The following SMG1 variants were observed in gnomAD, a reference collection of about 807,000 sequenced individuals.
SMG1 encodes the protein SMG1 nonsense mediated mRNA decay associated PI3K related kinase.
SMG1 carries 22 observed loss-of-function variants against 419.9 expected under a neutral mutation model. That is an observed-to-expected ratio of 0.05 (90% CI 0.04 to 0.07). SMG1 has a LOEUF of 0.07. Among genes scored for constraint, SMG1 ranks in the 10% least tolerant of loss-of-function variants. The pLI is 1.00. For missense variants in SMG1, 3,185 were observed against 4,342.0 expected (o/e 0.73, Z 7.49); for synonymous variants, 1,538 against 1,553.5 (o/e 0.99, Z 0.23).
At chr16:18,878,067 T>C (rs1446981032) in intron 11 of SMG1, 2 of 152,190 alleles carry the variant, frequency 1.3e-5, no homozygotes, top group African/African-American at 4.8e-5. Context: ...TGCTTCAGAA[T>C]GTCCATAATA....
In SMG1 at chr16:18,806,848, C is replaced by G. The variant is rs540849219; in HGVS notation, c.*2721G>C. ...TGTATGACTTCATAACTACAGCACT[C>G]TAACTTTTCTCAGTCTAACTGCTGA... is the stretch of plus-strand genomic sequence containing the variant. On this transcript the variant is annotated 3_prime_UTR_variant, in exon 63 of 63. Transcript: ENST00000446231. 1 of 152,318 alleles carries G rather than the reference C, an allele frequency of 6.6e-6. No individual in the cohort carries two copies. The highest frequency in any genetic ancestry group is 2.1e-4 in the South Asian group (1 of 4,824). The allele number at this position is 152,318 out of a possible 1,614,324, so 9.4% of individuals were successfully genotyped here. A position where few individuals can be genotyped will look rare whatever the true frequency, so the allele number is the denominator to read the frequency against.
At chr16:18,903,986 G>GA (rs2037455147) in intron 1 of SMG1, among the ~76,000 whole-genome samples, 1 of 134,160 alleles carries the variant, frequency 7.5e-6, no homozygotes, top group Non-Finnish European at 1.5e-5. Flanking sequence ...CGCGCAGGCT[G>GA]AAGTGCGGTG....
At position 18,925,935 on chromosome 16, in the gene SMG1, G is replaced by A. The variant is rs555830550; in HGVS notation, c.92+15C>T. On this transcript the variant is annotated intron_variant, in intron 1 of 62. Transcript: ENST00000446231. ...GCCCGGGAGGTCGGGGCGGGGTCCC[G>A]GGCCGGTCACCCACCTGGGTTGCCA... 4.8e-4 allele frequency: 732 copies of A among 1,533,436 alleles called. 3 individuals are homozygous for A. In the African/African-American group the frequency reaches 9.1e-3, roughly 19 times the overall value. 95.0% of individuals were successfully genotyped at this position (1,533,436 alleles called of 1,614,324 possible).
intron 30 of SMG1, among the ~76,000 whole-genome samples, chr16:18,854,219 C>T (rs1342868042): frequency 6.6e-6 from 1 of 150,948 alleles, no homozygotes; most frequent in Non-Finnish European, 1.5e-5. Flanking sequence ...CTCAAGCAGC[C>T]GGAACTACAG....
At chr16:18,909,834 TTAAGTA>T (rs1439202124) in intron 1 of SMG1, among the ~76,000 whole-genome samples, 3 of 152,164 alleles carry the variant, frequency 2.0e-5, no homozygotes, top group East Asian at 3.8e-4. Flanking sequence ...GTATTTAGCC[TTAAGTA>T]TAAGACACCT....
chr16:18,830,988 C>T (rs1386341290), intron 51 of SMG1, among the ~76,000 whole-genome samples: 1 of 152,096 alleles, frequency 6.6e-6, no homozygotes, highest in Non-Finnish European at 1.5e-5. Context: ...AGAAATCACA[C>T]CATTCTAAAG....
intron 23 of SMG1, among the ~76,000 whole-genome samples, chr16:18,865,225 G>A (rs1249931352): frequency 6.6e-6 from 1 of 152,072 alleles, no homozygotes; most frequent in Non-Finnish European, 1.5e-5. Flanking sequence ...ATCACAAAAG[G>A]TCACTATATG....
rs540301532 is a variant in SMG1 at position 18,917,419 on chromosome 16, G to T, written c.92+8531C>A. Reference sequence around the variant, plus strand: ...CCACCTTGCCCTCCCAAAGTGCTGGGATTACAGGTATGAGCCACCATACAT... The same window carrying T: ...CCACCTTGCCCTCCCAAAGTGCTGGTATTACAGGTATGAGCCACCATACAT... On this transcript the variant is annotated intron_variant, in intron 1 of 62. Coordinates refer to ENST00000446231, the MANE Select transcript of SMG1 (RefSeq NM_015092.5). 3.3e-5 allele frequency among the ~76,000 whole-genome samples: 5 copies of T among 151,942 alleles called. No individual in the cohort carries two copies. In the South Asian group the frequency reaches 1.0e-3, roughly 32 times the overall value.
Position 18,812,138 on chromosome 16 carries a change from A to G in SMG1, c.10622-11T>C, listed in dbSNP as rs1347331222. The G allele has an allele frequency of 1.2e-6, 2 of 1,606,372 alleles. No individual in the cohort carries two copies. The highest frequency in any genetic ancestry group is 2.2e-5 in the East Asian group (1 of 44,860). ...TGTTACTCCGGACTGCTACAGAGAAAGAGTTGGTGGCTCAATTTACATGTA... is the reference window on the plus strand; with the variant it reads ...TGTTACTCCGGACTGCTACAGAGAAGGAGTTGGTGGCTCAATTTACATGTA... On this transcript the variant is annotated splice_polypyrimidine_tract_variant and intron_variant, in intron 60 of 62. Transcript: ENST00000446231.
chr16:18,902,431 A>C (rs1276224450), intron 1 of SMG1, among the ~76,000 whole-genome samples: 1 of 152,156 alleles, frequency 6.6e-6, no homozygotes, highest in Non-Finnish European at 1.5e-5. Flanking sequence ...GGCCAGGCAC[A>C]GTGGCTCAAG....
intron 1 of SMG1, among the ~76,000 whole-genome samples, chr16:18,913,158 C>G (rs2037852480): frequency 1.3e-5 from 2 of 152,014 alleles, no homozygotes; most frequent in African/African-American, 2.4e-5. Flanking sequence ...AAGAAGTCAA[C>G]GTAGAATCTG....
intron 56 of SMG1, 28 bp downstream of exon 56, chr16:18,819,474 C>T: frequency 6.2e-7 from 1 of 1,602,880 alleles, no homozygotes; most frequent in Non-Finnish European, 8.5e-7. Context: ...AAAGTGAATA[C>T]AAAGATGGTG....
chr16:18,828,756 T>G (rs1342660651), intron 54 of SMG1, among the ~76,000 whole-genome samples: 1 of 152,224 alleles, frequency 6.6e-6, no homozygotes, highest in Non-Finnish European at 1.5e-5. Context: ...CCCAGCACTT[T>G]GGGAGGCCAA....
Position 18,815,232 on chromosome 16 carries a change from T to C in SMG1, c.10564A>G (p.Thr3522Ala), listed in dbSNP as rs1385201893. ...SFASPLVTDA[T>A]NECSSPTSSA... ...GACGTTGGACTCGAACATTCATTTG[T>C]TGCATCGGTGACTAAGGGTGATGCA... The change falls in exon 60 of 63, where the codon ACA (threonine) becomes GCA (alanine). Residue 3522 changes from threonine (T) to alanine (A), a missense_variant. By Grantham distance (58) the Thr-to-Ala change is moderately conservative. This residue lies in a region of SMG1 where 737 missense variants were observed against 846.6 expected (regional missense o/e 0.87). Coordinates refer to ENST00000446231, the MANE Select transcript of SMG1 (RefSeq NM_015092.5). 2.5e-6 allele frequency: 4 copies of C among 1,595,746 alleles called. No individual in the cohort carries two copies. The highest frequency in any genetic ancestry group is 1.3e-5 in the African/African-American group (1 of 74,528).
At chr16:18,871,912 AAAG>A (rs1343285771) in intron 15 of SMG1, among the ~76,000 whole-genome samples, 1 of 152,002 alleles carries the variant, frequency 6.6e-6, no homozygotes, top group Admixed American at 6.6e-5. Flanking sequence ...AAAAAAAAGC[AAAG>A]AATATTAAAA....
intron 11 of SMG1, chr16:18,878,606 C>CAAAAA (rs35169039): frequency 3.0e-5 from 3 of 98,566 alleles, no homozygotes; most frequent in African/African-American, 3.7e-5. Context: ...GATCCTGTGA[C>CAAAAA]AAAAAAAAAA....
intron 1 of SMG1, among the ~76,000 whole-genome samples, chr16:18,908,203 T>C (rs2037646772): frequency 6.6e-6 from 1 of 151,446 alleles, no homozygotes; most frequent in South Asian, 2.1e-4. Flanking sequence ...CAGTCTCTAC[T>C]AAAAATACAA....
At chr16:18,880,689 T>C (rs1332678912) in intron 10 of SMG1, among the ~76,000 whole-genome samples, 2 of 108,872 alleles carry the variant, frequency 1.8e-5, no homozygotes, top group African/African-American at 7.4e-5. Context: ...CACTCCAGCG[T>C]GGGCAACAGA....
intron 18 of SMG1, 24 bp from the exon 19 acceptor site, chr16:18,870,018 T>C (rs1335112582): frequency 1.3e-6 from 2 of 1,505,868 alleles, no homozygotes; most frequent in South Asian, 1.2e-5. Flanking sequence ...ATAAAGTTGT[T>C]ATGCAAAATA....
Sources: allele counts gnomAD v4.1 joint callset (sites outside exome capture counted in the v4.1 genomes callset), GRCh38; gene constraint gnomAD v4.1.1; regional missense constraint gnomAD v4.1.1; transcripts MANE v1.5; gene names NCBI Gene and HGNC (gene_info 2026-07-23, HGNC 2026-07-21).